The following FAHD1 variants were observed in gnomAD, a reference collection of about 807,000 sequenced individuals.
FAHD1 encodes the protein FAH domain containing oxaloacetate decarboxylase 1.
FAHD1 carries 14 observed loss-of-function variants against 12.7 expected under a neutral mutation model. That is an observed-to-expected ratio of 1.10 (90% CI 0.73 to 1.72). The LOEUF (loss-of-function observed/expected upper bound fraction) is 1.72, where lower values mean the gene tolerates loss of function less well. Ranked by LOEUF, FAHD1 falls within the 40% of genes most tolerant of loss-of-function variation. The pLI is 0.00. For missense variants in FAHD1, 351 were observed against 298.9 expected (o/e 1.17, Z -1.29); for synonymous variants, 153 against 124.9 (o/e 1.22, Z -1.50).
intron 2 of FAHD1, among the ~76,000 whole-genome samples, chr16:1,838,691 G>GTT (rs879708755): frequency 6.7e-6 from 1 of 148,406 alleles, no homozygotes; most frequent in African/African-American, 2.5e-5. Flanking sequence ...TTAGTGTTTT[G>GTT]TTTTTTTTTT....
chr16:1,839,610 C>G (rs1414224833), exon 3 of FAHD1: 2 of 578,834 alleles, frequency 3.5e-6, no homozygotes, highest in Non-Finnish European at 5.8e-6. Context: ...AACACACTTT[C>G]TACGCAGCCA....
exon 3 of FAHD1, chr16:1,839,330 A>C: frequency 1.2e-6 from 2 of 1,614,164 alleles, no homozygotes; most frequent in Non-Finnish European, 1.7e-6. Flanking sequence ...GATCAGTCAG[A>C]TCAATCAGCA....
At chr16:1,831,629 C>G (rs1898621391), downstream of FAHD1, among the ~76,000 whole-genome samples, 1 of 152,112 alleles carries the variant, frequency 6.6e-6, no homozygotes, top group African/African-American at 2.4e-5. Flanking sequence ...AAGGGGCATC[C>G]TCCATATACT....
exon 1 of FAHD1, chr16:1,827,394 G>C (rs752672591): frequency 6.2e-7 from 1 of 1,611,896 alleles, no homozygotes; most frequent in South Asian, 1.1e-5. Context: ...ACGCGCCCGA[G>C]GGCTCGCCCA....
chr16:1,831,741 C>T (rs886892392), downstream of FAHD1, among the ~76,000 whole-genome samples: 48 of 152,184 alleles, frequency 3.2e-4, no homozygotes, highest in African/African-American at 9.9e-4. Flanking sequence ...CATTCCCGCC[C>T]GAGTTCTGCT....
chr16:1,833,615 G>A (rs1198576680), downstream of FAHD1, among the ~76,000 whole-genome samples: 1 of 145,458 alleles, frequency 6.9e-6, no homozygotes, highest in Non-Finnish European at 1.5e-5. Flanking sequence ...AGGCTGGAGT[G>A]CAGTGGCTGG....
downstream of FAHD1, among the ~76,000 whole-genome samples, chr16:1,830,712 A>G (rs970542648): frequency 6.6e-6 from 1 of 152,200 alleles, no homozygotes; most frequent in African/African-American, 2.4e-5. Flanking sequence ...TAGTAATCCT[A>G]GCATTCAGAA....
intron 2 of FAHD1, among the ~76,000 whole-genome samples, chr16:1,838,752 C>T (rs962405809): frequency 3.3e-5 from 5 of 152,018 alleles, no homozygotes; most frequent in African/African-American, 7.2e-5. Context: ...AGTGCAGTGG[C>T]GTGATCTTGG....
At chr16:1,835,512 A>T (rs1209838598) in intron 1 of FAHD1, among the ~76,000 whole-genome samples, 1 of 152,210 alleles carries the variant, frequency 6.6e-6, no homozygotes, top group Non-Finnish European at 1.5e-5. Flanking sequence ...AGAGAAAAAA[A>T]AGTACCAACA....
At chr16:1,832,295 C>G (rs1172785111), downstream of FAHD1, among the ~76,000 whole-genome samples, 1 of 148,048 alleles carries the variant, frequency 6.8e-6, no homozygotes, top group African/African-American at 2.5e-5. Flanking sequence ...CTCAGCCTCC[C>G]GAGTAGCTGG....
At chr16:1,828,525 C>T (rs1396379467) in exon 1 of FAHD1, 7 of 1,000,040 alleles carry the variant, frequency 7.0e-6, no homozygotes, top group Non-Finnish European at 8.4e-6. Context: ...TAGTTCAGCA[C>T]TTAAAAACTG....
At chr16:1,832,220 C>T (rs61656020), downstream of FAHD1, among the ~76,000 whole-genome samples, 3 of 41,334 alleles carry the variant, frequency 7.3e-5, no homozygotes, top group African/African-American at 8.2e-5. Context: ...CTGTTGCCCA[C>T]GCTGCAGTGG....
At chr16:1,829,668 C>T (rs1056689712), downstream of FAHD1, among the ~76,000 whole-genome samples, 3 of 149,686 alleles carry the variant, frequency 2.0e-5, no homozygotes, top group Non-Finnish European at 4.5e-5. Context: ...ATTATTTTTT[C>T]ATTGCTTGGC....
chr16:1,837,985 T>C lies in FAHD1; in HGVS notation c.628-31T>C, dbSNP rs926249420. ...AGAAATGAAATTTTATTTGCAGTAA[T>C]TACAGCTCAATCGTTTGTTTTTGTT... On this transcript the variant is annotated intron_variant, in intron 1 of 2. Coordinates refer to the FAHD1 transcript ENST00000382666. 7 of 1,444,082 alleles carry C rather than the reference T, an allele frequency of 4.8e-6. No homozygotes were observed. The African/African-American group carries it at 1.0e-4, about 21-fold the overall frequency. 89.5% of individuals were successfully genotyped at this position (1,444,082 alleles called of 1,614,324 possible).
At chr16:1,834,376 G>A in intron 1 of FAHD1, 8 of 1,449,582 alleles carry the variant, frequency 5.5e-6, no homozygotes, top group African/African-American at 1.4e-5. Flanking sequence ...ACTGCGAGGA[G>A]AAACAGAAAA....
chr16:1,832,142 C>T (rs1250624887), downstream of FAHD1, among the ~76,000 whole-genome samples: 1 of 150,974 alleles, frequency 6.6e-6, no homozygotes, highest in Non-Finnish European at 1.5e-5. Flanking sequence ...TACACCGACA[C>T]CCCAGCTAAG....
At chr16:1,835,739 AGTCT>A (rs774079920) in intron 1 of FAHD1, among the ~76,000 whole-genome samples, 24 of 152,340 alleles carry the variant, frequency 1.6e-4, no homozygotes, top group African/African-American at 4.6e-4. Context: ...ATCCCCATGA[AGTCT>A]GTCTGAGTGA....
chr16:1,834,131 T>C, intron 1 of FAHD1: 1 of 613,274 alleles, frequency 1.6e-6, no homozygotes, highest in Non-Finnish European at 2.9e-6. Context: ...CCATAACAAT[T>C]TCTAGAAACA....
chr16:1,830,912 CTCTA>C (rs200487727), downstream of FAHD1, among the ~76,000 whole-genome samples: 16 of 42,408 alleles, frequency 3.8e-4, no homozygotes, highest in South Asian at 1.5e-3. Context: ...ACCTCTCTCT[CTCTA>C]TACACACACA....
Sources: gnomAD v4.1 joint callset for allele counts (sites outside exome capture counted in the v4.1 genomes callset) on GRCh38, gnomAD v4.1.1 for gene constraint, MANE v1.5 for transcripts, NCBI Gene and HGNC (gene_info 2026-07-23, HGNC 2026-07-21) for gene names.